CDH13: variants seen among roughly 807,000 people sequenced by gnomAD.
CDH13 encodes cadherin-13.
Under a neutral mutation model 63.8 loss-of-function variants are expected in CDH13, and 24 were observed. That is an observed-to-expected ratio of 0.38 (90% CI 0.27 to 0.53). CDH13 has a LOEUF of 0.53. CDH13 is among the 20% of genes least tolerant of loss of function. The pLI, the probability that CDH13 is intolerant of heterozygous loss-of-function variation, is 0.85. For synonymous variants in CDH13, 503 were observed against 355.3 expected (o/e 1.42, Z -4.67); for missense variants, 1,049 against 903.1 (o/e 1.16, Z -2.07).
At chr16:83,265,482 C>T (rs1201522287) in intron 5 of CDH13, among the ~76,000 whole-genome samples, 1 of 152,144 alleles carries the variant, frequency 6.6e-6, no homozygotes, top group African/African-American at 2.4e-5. Flanking sequence ...ACATAACTGT[C>T]TTCTCTTAAA....
intron 4 of CDH13, among the ~76,000 whole-genome samples, chr16:83,191,458 A>ATAT: frequency 1.2e-5 from 1 of 80,582 alleles, no homozygotes; most frequent in Admixed American, 1.4e-4. Flanking sequence ...ACTAATAGGA[A>ATAT]ATATATATAT....
At chr16:82,694,844 C>G (rs921781126) in intron 1 of CDH13, among the ~76,000 whole-genome samples, 1 of 152,116 alleles carries the variant, frequency 6.6e-6, no homozygotes, top group Non-Finnish European at 1.5e-5. Flanking sequence ...CAGCTGTGGT[C>G]TCTTCTAGAA....
chr16:82,765,285 A>G (rs1263745423), intron 1 of CDH13, among the ~76,000 whole-genome samples: 1 of 152,194 alleles, frequency 6.6e-6, no homozygotes, highest in African/African-American at 2.4e-5. Flanking sequence ...CCAAGACTAT[A>G]AGCCCTTCTA....
At chr16:83,272,290 CA>C (rs2088848219) in intron 5 of CDH13, among the ~76,000 whole-genome samples, 1 of 152,090 alleles carries the variant, frequency 6.6e-6, no homozygotes, top group Admixed American at 6.5e-5. Context: ...ATTAAGAGGC[CA>C]GGGGTTAGAT....
At chr16:82,748,957 A>T (rs1415853020) in intron 1 of CDH13, among the ~76,000 whole-genome samples, 1 of 152,200 alleles carries the variant, frequency 6.6e-6, no homozygotes, top group Non-Finnish European at 1.5e-5. Context: ...ATTGATCTAG[A>T]CACATTTATG....
chr16:83,558,566 T>A (rs2075645170), intron 7 of CDH13, among the ~76,000 whole-genome samples: 1 of 152,222 alleles, frequency 6.6e-6, no homozygotes, highest in African/African-American at 2.4e-5. Context: ...AATTTATATT[T>A]AAAATCTACA....
chr16:83,537,240 T>G (rs1225166588), intron 7 of CDH13, among the ~76,000 whole-genome samples: 1 of 152,210 alleles, frequency 6.6e-6, no homozygotes, highest in East Asian at 1.9e-4. Flanking sequence ...AGCAAGTAGA[T>G]AAAACCAAAG....
intron 6 of CDH13, chr16:83,397,295 C>T (rs1025588207): frequency 1.3e-5 from 2 of 152,246 alleles, no homozygotes; most frequent in East Asian, 3.9e-4. Flanking sequence ...GAATTTAAAC[C>T]AGTCAAGAAG....
At chr16:83,289,250 C>T (rs1310726642) in intron 5 of CDH13, among the ~76,000 whole-genome samples, 5 of 152,186 alleles carry the variant, frequency 3.3e-5, no homozygotes, top group African/African-American at 9.7e-5. Context: ...ACCCTTTTGG[C>T]CTCTACAGCT....
chr16:83,551,806 G>C (rs1376850991), intron 7 of CDH13, among the ~76,000 whole-genome samples: 1 of 152,150 alleles, frequency 6.6e-6, no homozygotes, highest in Admixed American at 6.5e-5. Context: ...GGCCTATGAA[G>C]GTGTCAAGTC....
chr16:83,080,035 A>G (rs1369291762), intron 3 of CDH13, among the ~76,000 whole-genome samples: 1 of 152,230 alleles, frequency 6.6e-6, no homozygotes, highest in African/African-American at 2.4e-5. Flanking sequence ...TCCCTTTTCA[A>G]GGAAGCTGAA....
chr16:82,819,619 A>C (rs1483304174), intron 1 of CDH13, among the ~76,000 whole-genome samples: 5 of 152,204 alleles, frequency 3.3e-5, no homozygotes, highest in Non-Finnish European at 7.3e-5. Flanking sequence ...AGACACCTGC[A>C]TGAAAGTTGA....
chr16:83,042,271 C>T (rs1175464145), intron 3 of CDH13, among the ~76,000 whole-genome samples: 1 of 152,188 alleles, frequency 6.6e-6, no homozygotes, highest in East Asian at 1.9e-4. Flanking sequence ...TATTTATAGC[C>T]ACTCCCCATT....
chr16:82,633,181 C>G (rs912100871), intron 1 of CDH13, among the ~76,000 whole-genome samples: 3 of 152,222 alleles, frequency 2.0e-5, no homozygotes, highest in African/African-American at 7.2e-5. Context: ...ACGTAGTGTT[C>G]TACCAAGAGC....
At chr16:83,430,041 C>G (rs1481540168) in intron 6 of CDH13, among the ~76,000 whole-genome samples, 2 of 152,146 alleles carry the variant, frequency 1.3e-5, no homozygotes, top group Non-Finnish European at 2.9e-5. Flanking sequence ...TGATCTGGTA[C>G]AGACACTATG....
chr16:82,906,075 T>A (rs1368345600), intron 2 of CDH13, among the ~76,000 whole-genome samples: 1 of 152,248 alleles, frequency 6.6e-6, no homozygotes. Context: ...GTCATCGATC[T>A]ATCTACCTAC....
intron 1 of CDH13, among the ~76,000 whole-genome samples, chr16:82,703,194 C>A (rs773119901): frequency 6.8e-6 from 1 of 147,946 alleles, no homozygotes; most frequent in Non-Finnish European, 1.5e-5. Flanking sequence ...ACTACACACA[C>A]TGGATGTATA....
intron 6 of CDH13, among the ~76,000 whole-genome samples, chr16:83,353,082 G>A (rs1372956008): frequency 6.6e-6 from 1 of 152,156 alleles, no homozygotes; most frequent in South Asian, 2.1e-4. Flanking sequence ...GTGGAAGCGT[G>A]GCAAGGGTGT....
At chr16:82,870,630 G>C (rs193250861) in intron 2 of CDH13, among the ~76,000 whole-genome samples, 2 of 152,212 alleles carry the variant, frequency 1.3e-5, no homozygotes. Context: ...TACCCAATAA[G>C]ATGAAATTGG....
Sources: allele counts gnomAD v4.1 joint callset (sites outside exome capture counted in the v4.1 genomes callset), GRCh38; gene constraint gnomAD v4.1.1; transcripts MANE v1.5; gene names NCBI Gene and HGNC (gene_info 2026-07-23, HGNC 2026-07-21).